KCNJ6: variants seen among roughly 807,000 people sequenced by gnomAD.
KCNJ6 encodes the protein G protein-activated inward rectifier potassium channel 2.
Under a neutral mutation model 34.2 loss-of-function variants are expected in KCNJ6, and 9 were observed. The observed-to-expected ratio is 0.26, with a 90% CI of 0.16 to 0.46. The LOEUF (loss-of-function observed/expected upper bound fraction) is 0.46. KCNJ6 is among the 20% of genes least tolerant of loss of function. KCNJ6 has a pLI of 1.00. For missense variants in KCNJ6, 236 were observed against 531.3 expected, an observed-to-expected ratio of 0.44 and a Z score of 5.46; for synonymous variants, 196 against 207.1, an observed-to-expected ratio of 0.95 and a Z score of 0.46.
At chr21:37,857,142 G>A (rs1332508290) in intron 1 of KCNJ6, among the ~76,000 whole-genome samples, 1 of 152,190 alleles carries the variant, frequency 6.6e-6, no homozygotes, top group East Asian at 1.9e-4. Context: ...TTGGAAAACA[G>A]TAAAGATACC....
chr21:37,643,380 A>C (rs2054389703), intron 3 of KCNJ6, among the ~76,000 whole-genome samples: 1 of 152,140 alleles, frequency 6.6e-6, no homozygotes, highest in African/African-American at 2.4e-5. Context: ...AGACCAAGAC[A>C]CTCAGAGCCA....
chr21:37,841,056 A>G (rs1353600523), intron 1 of KCNJ6, among the ~76,000 whole-genome samples: 1 of 151,792 alleles, frequency 6.6e-6, no homozygotes, highest in Non-Finnish European at 1.5e-5. Context: ...GTTTCCCCCC[A>G]TTGAAGCTTT....
At chr21:37,773,844 G>C (rs976313551) in intron 2 of KCNJ6, among the ~76,000 whole-genome samples, 1 of 152,080 alleles carries the variant, frequency 6.6e-6, no homozygotes, top group East Asian at 1.9e-4. Flanking sequence ...TCTAGCTCCA[G>C]TTTGAAGCAT....
intron 2 of KCNJ6, among the ~76,000 whole-genome samples, chr21:37,752,319 A>G (rs981064808): frequency 1.9e-4 from 29 of 152,120 alleles, no homozygotes; most frequent in Admixed American, 1.8e-3. Context: ...ACCTGACCAA[A>G]AAGGTAGCTG....
At position 37,617,479 on chromosome 21, in the gene KCNJ6, C is replaced by A. The variant is rs1419656610; in HGVS notation, c.*7680G>T. ...CAGGTGATCTGCCACCTTGGCCTCC[C>A]AAAGTGCTGAGATTACAGGTGTGAG... On this transcript the variant is annotated 3_prime_UTR_variant, in exon 4 of 4. Transcript: ENST00000609713. 1 of 152,290 alleles carries A rather than the reference C, an allele frequency of 6.6e-6. No homozygotes were observed. The highest frequency in any genetic ancestry group is 2.4e-5 in the African/African-American group (1 of 41,418). 9.4% of individuals were successfully genotyped at this position (152,290 alleles called of 1,614,324 possible). A position where few individuals can be genotyped will look rare whatever the true frequency, so the allele number is the denominator to read the frequency against.
intron 2 of KCNJ6, among the ~76,000 whole-genome samples, chr21:37,731,344 A>G (rs1378274026): frequency 6.6e-6 from 1 of 152,184 alleles, no homozygotes; most frequent in Non-Finnish European, 1.5e-5. Flanking sequence ...AGAGAAAAAA[A>G]GACTTTCTAA....
chr21:37,667,273 C>T (rs1169459748), intron 3 of KCNJ6, among the ~76,000 whole-genome samples: 1 of 149,794 alleles, frequency 6.7e-6, no homozygotes, highest in Non-Finnish European at 1.5e-5. Flanking sequence ...GTTCCCTCTT[C>T]ATATATCCAG....
chr21:37,769,538 AC>A (rs980065400), intron 2 of KCNJ6, among the ~76,000 whole-genome samples: 7 of 151,744 alleles, frequency 4.6e-5, no homozygotes, highest in Admixed American at 6.6e-5. Flanking sequence ...GGCTGCTAGG[AC>A]CCACACCCTA....
chr21:37,654,403 T>C (rs2054448192), intron 3 of KCNJ6, among the ~76,000 whole-genome samples: 1 of 139,870 alleles, frequency 7.1e-6, no homozygotes, highest in Non-Finnish European at 1.5e-5. Flanking sequence ...CTCTGCTGTC[T>C]TGACATTTGG....
At chr21:37,649,894 C>T (rs1415237399) in intron 3 of KCNJ6, among the ~76,000 whole-genome samples, 1 of 151,094 alleles carries the variant, frequency 6.6e-6, no homozygotes, top group Non-Finnish European at 1.5e-5. Flanking sequence ...GCTGGGACTA[C>T]AGACGCCCGC....
intron 2 of KCNJ6, among the ~76,000 whole-genome samples, chr21:37,809,033 C>A (rs1437298148): frequency 6.6e-6 from 1 of 152,086 alleles, no homozygotes; most frequent in South Asian, 2.1e-4. Context: ...GGGTATATAC[C>A]CAAAGGATTA....
At chr21:37,771,273 T>C (rs992600828) in intron 2 of KCNJ6, among the ~76,000 whole-genome samples, 2 of 152,252 alleles carry the variant, frequency 1.3e-5, no homozygotes, top group East Asian at 1.9e-4. Context: ...TCAGTTGACT[T>C]TGAGTGTGAG....
At chr21:37,796,505 A>G (rs58829373) in intron 2 of KCNJ6, among the ~76,000 whole-genome samples, 2,586 of 152,112 alleles carry the variant, frequency 0.017, 73 homozygotes, top group African/African-American at 0.056. Context: ...GTTGGATCTG[A>G]CTCACTTGTT....
At chr21:37,741,220 AT>A (rs1274290503) in intron 2 of KCNJ6, among the ~76,000 whole-genome samples, 1 of 152,160 alleles carries the variant, frequency 6.6e-6, no homozygotes, top group Non-Finnish European at 1.5e-5. Flanking sequence ...TGTTATCCCC[AT>A]GCTGTCTGGA....
rs1309666295 is a variant in KCNJ6, at chr21:37,840,687, G to T, written c.-5C>A. Reference sequence around the variant, plus strand: ...GGATTCTGTCAGCTTGGCCATTGTTGCAGTTTCTTCTTTGTGCTTTTCCTG... The same window carrying T: ...GGATTCTGTCAGCTTGGCCATTGTTTCAGTTTCTTCTTTGTGCTTTTCCTG... On this transcript the variant is annotated 5_prime_UTR_variant, in exon 2 of 4. Transcript: ENST00000609713. 1 of 1,595,278 alleles carries T rather than the reference G, an allele frequency of 6.3e-7. No individual in the cohort carries two copies. The highest frequency in any genetic ancestry group is 1.7e-5 in the Admixed American group (1 of 59,250).
chr21:37,637,746 ATAAGT>A (rs1022730080), intron 3 of KCNJ6, among the ~76,000 whole-genome samples: 22 of 152,302 alleles, frequency 1.4e-4, no homozygotes, highest in Admixed American at 3.3e-4. Context: ...CCTTAGGGAG[ATAAGT>A]TAAGTCAAAT....
At chr21:37,825,206 G>C (rs1272752500) in intron 2 of KCNJ6, among the ~76,000 whole-genome samples, 2 of 152,148 alleles carry the variant, frequency 1.3e-5, no homozygotes, top group Non-Finnish European at 2.9e-5. Context: ...TTAGGATCTG[G>C]ATCGTCGAGG....
At chr21:37,856,812 A>C (rs2055567517) in intron 1 of KCNJ6, among the ~76,000 whole-genome samples, 1 of 152,206 alleles carries the variant, frequency 6.6e-6, no homozygotes, top group South Asian at 2.1e-4. Context: ...GCCCCAGGTC[A>C]GAACAATGGC....
intron 1 of KCNJ6, among the ~76,000 whole-genome samples, chr21:37,905,741 C>A (rs752813275): frequency 6.6e-6 from 1 of 152,168 alleles, no homozygotes; most frequent in Non-Finnish European, 1.5e-5. Flanking sequence ...AAGTTTAAGG[C>A]CTCTGGGAAC....
Sources: gnomAD v4.1 joint callset for allele counts (sites outside exome capture counted in the v4.1 genomes callset) on GRCh38, gnomAD v4.1.1 for gene constraint, MANE v1.5 for transcripts, NCBI Gene and HGNC (gene_info 2026-07-23, HGNC 2026-07-21) for gene names.